Variants in SCAMP1 observed in about 807,000 individuals in gnomAD.
SCAMP1 encodes the protein secretory carrier-associated membrane protein 1.
SCAMP1 carries 15 observed loss-of-function variants against 41.8 expected under a neutral mutation model. That is an observed-to-expected ratio of 0.36 (90% CI 0.24 to 0.55). The LOEUF is 0.55. Ranked by LOEUF, SCAMP1 falls within the 20% of genes least tolerant of loss-of-function variation. The probability of loss-of-function intolerance (pLI) is 0.86; values close to 1 mark genes in which losing one functional copy is unlikely to be tolerated. For missense variants in SCAMP1, 341 were observed against 412.6 expected, an observed-to-expected ratio of 0.83 and a Z score of 1.50; for synonymous variants, 135 against 136.8, an observed-to-expected ratio of 0.99 and a Z score of 0.09.
chr5:78,446,534 T>G (rs892504124), intron 6 of SCAMP1, among the ~76,000 whole-genome samples: 1 of 152,132 alleles, frequency 6.6e-6, no homozygotes, highest in South Asian at 2.1e-4. Context: ...ATATTCTTCA[T>G]TCTTTGCCAG....
At chr5:78,414,675 A>G (rs1187888228) in intron 2 of SCAMP1, among the ~76,000 whole-genome samples, 4 of 152,154 alleles carry the variant, frequency 2.6e-5, no homozygotes, top group African/African-American at 9.7e-5. Flanking sequence ...TAATTTAACC[A>G]ATCCCCCATT....
intron 1 of SCAMP1, among the ~76,000 whole-genome samples, chr5:78,367,068 A>G (rs762651750): frequency 1.3e-5 from 2 of 152,202 alleles, no homozygotes; most frequent in Non-Finnish European, 2.9e-5. Flanking sequence ...AATCTGGAAC[A>G]TAGTGGTTGC....
chr5:78,385,364 G>A (rs1489267122), intron 1 of SCAMP1, among the ~76,000 whole-genome samples: 1 of 151,938 alleles, frequency 6.6e-6, no homozygotes, highest in Non-Finnish European at 1.5e-5. Context: ...ATTGCTAATG[G>A]TCTATCAGTT....
rs116023795 is a variant in SCAMP1, at chr5:78,467,940, A to G, written c.853-7564A>G. On this transcript the variant is annotated intron_variant, in intron 8 of 8. Transcript: ENST00000621999. ...GTATGTAGCAGTATTTATAACCACTAGGGGTCATGCTTTTCAAGAACAGTT... is the reference window on the plus strand; with the variant it reads ...GTATGTAGCAGTATTTATAACCACTGGGGGTCATGCTTTTCAAGAACAGTT... Among the ~76,000 whole-genome samples, 820 of 152,274 alleles carry G rather than the reference A, an allele frequency of 5.4e-3. 11 individuals carry two copies. The highest frequency in any genetic ancestry group is 0.019 in the African/African-American group (780 of 41,566).
intron 6 of SCAMP1, among the ~76,000 whole-genome samples, chr5:78,444,571 C>A (rs563634098): frequency 5.3e-5 from 8 of 152,238 alleles, no homozygotes; most frequent in Admixed American, 3.9e-4. Context: ...GGGGACACAG[C>A]CAAATTCTAT....
chr5:78,445,343 A>G (rs1353647783), intron 6 of SCAMP1, among the ~76,000 whole-genome samples: 2 of 152,272 alleles, frequency 1.3e-5, no homozygotes, highest in African/African-American at 4.8e-5. Context: ...GATGGCAAGT[A>G]GTAGAGAGCT....
In SCAMP1 at chr5:78,480,104, A is replaced by G. The variant is rs1754106717; in HGVS notation, c.*4436A>G. Among the ~76,000 whole-genome samples the G allele has an allele frequency of 6.6e-6, 1 of 152,118 alleles. No individual in the cohort carries two copies. Among genetic ancestry groups the G allele is most frequent in the Non-Finnish European group, 1.5e-5 (1 of 68,028 alleles). On this transcript the variant is annotated 3_prime_UTR_variant, in exon 9 of 9. Coordinates refer to ENST00000621999, the MANE Select transcript of SCAMP1 (RefSeq NM_004866.6). ...GCCGTGTTTCAAATGGCAAGGGAAC[A>G]TGGGAACTATCATGTGGCAATGTAG...
chr5:78,437,339 G>T (rs1481037780), intron 6 of SCAMP1, among the ~76,000 whole-genome samples: 1 of 152,186 alleles, frequency 6.6e-6, no homozygotes, highest in East Asian at 1.9e-4. Context: ...GTATGATATT[G>T]GCTGTGGGTT....
chr5:78,413,990 G>T (rs1013684383), intron 2 of SCAMP1, among the ~76,000 whole-genome samples: 1 of 146,308 alleles, frequency 6.8e-6, no homozygotes, highest in Non-Finnish European at 1.5e-5. Context: ...TACTGTTTTT[G>T]CTTCTATTGT....
chr5:78,407,446 T>C (rs568347685), intron 2 of SCAMP1, among the ~76,000 whole-genome samples: 1 of 151,912 alleles, frequency 6.6e-6, no homozygotes, highest in African/African-American at 2.4e-5. Flanking sequence ...CAGTGGTTTA[T>C]AGGTGACCTT....
At chr5:78,401,070 T>C (rs1751785923) in intron 2 of SCAMP1, among the ~76,000 whole-genome samples, 2 of 152,186 alleles carry the variant, frequency 1.3e-5, no homozygotes, top group African/African-American at 4.8e-5. Flanking sequence ...TTTTGTGAAA[T>C]GCTTTTTCTG....
intron 2 of SCAMP1, among the ~76,000 whole-genome samples, chr5:78,395,318 AC>A (rs1174875017): frequency 6.6e-6 from 1 of 152,092 alleles, no homozygotes; most frequent in African/African-American, 2.4e-5. Context: ...TGAACCCCCG[AC>A]CCTATTGAGA....
Position 78,418,738 on chromosome 5 carries a change from A to G in SCAMP1, c.344-37A>G, listed in dbSNP as rs373624356. ...AAAATAATATCACATTTGTTATAAT[A>G]TAAATAACCTTTTCTTTTTCTAAAA... is the stretch of plus-strand genomic sequence containing the variant. On this transcript the variant is annotated intron_variant, in intron 4 of 8. Coordinates refer to ENST00000621999, the MANE Select transcript of SCAMP1 (RefSeq NM_004866.6). The G allele has an allele frequency of 7.4e-4, 950 of 1,278,312 alleles. 11 individuals are homozygous for G. In the African/African-American group the frequency reaches 0.013, roughly 18 times the overall value. The allele number at this position is 1,278,312 out of a possible 1,614,324, so 79.2% of individuals were successfully genotyped here.
chr5:78,423,014 G>GCA (rs1421622146), intron 6 of SCAMP1, among the ~76,000 whole-genome samples: 3 of 9,716 alleles, frequency 3.1e-4, no homozygotes, highest in African/African-American at 8.1e-4. Context: ...ACACGCGCGC[G>GCA]CGCACACACA....
intron 6 of SCAMP1, among the ~76,000 whole-genome samples, chr5:78,433,827 CTG>C (rs1752680068): frequency 6.6e-6 from 1 of 152,092 alleles, no homozygotes; most frequent in African/African-American, 2.4e-5. Context: ...CTTAGGCAGC[CTG>C]TGTCTCTGGA....
intron 1 of SCAMP1, among the ~76,000 whole-genome samples, chr5:78,367,540 C>T (rs1750829009): frequency 6.6e-6 from 1 of 152,128 alleles, no homozygotes; most frequent in Non-Finnish European, 1.5e-5. Context: ...GCAGTGCTCC[C>T]AGAGGGCAAG....
intron 2 of SCAMP1, among the ~76,000 whole-genome samples, chr5:78,413,867 T>G (rs1356702504): frequency 6.6e-6 from 1 of 152,190 alleles, no homozygotes; most frequent in Admixed American, 6.5e-5. Context: ...TTAATAGTTC[T>G]TAAGATCCTT....
chr5:78,453,499 T>A (rs1753298254), intron 7 of SCAMP1, among the ~76,000 whole-genome samples: 1 of 152,088 alleles, frequency 6.6e-6, no homozygotes, highest in African/African-American at 2.4e-5. Flanking sequence ...TAGTTGTAGA[T>A]GTGTGGCGTT....
chr5:78,366,725 C>T (rs947528774), intron 1 of SCAMP1, among the ~76,000 whole-genome samples: 3 of 152,144 alleles, frequency 2.0e-5, no homozygotes, highest in African/African-American at 4.8e-5. Flanking sequence ...ATAGCTCATG[C>T]TTGTAATCCC....
Sources: gnomAD v4.1 joint callset for allele counts (sites outside exome capture counted in the v4.1 genomes callset) on GRCh38, gnomAD v4.1.1 for gene constraint, MANE v1.5 for transcripts, NCBI Gene and HGNC (gene_info 2026-07-23, HGNC 2026-07-21) for gene names.